MCCC1: variants seen among roughly 807,000 people sequenced by gnomAD.
MCCC1 encodes the protein methylcrotonoyl-CoA carboxylase subunit alpha, mitochondrial.
MCCC1 carries 64 observed loss-of-function variants against 83.8 expected under a neutral mutation model. The ratio of observed to expected loss-of-function variants is 0.76; its 90% CI spans 0.62 to 0.94. MCCC1 has a LOEUF of 0.94. MCCC1 is among the 40% of genes least tolerant of loss of function. MCCC1 has a pLI of 0.00. For missense variants in MCCC1, 807 were observed against 904.7 expected (o/e 0.89, Z 1.39); for synonymous variants, 322 against 315.4 (o/e 1.02, Z -0.22).
chr3:183,058,647 A>C lies in MCCC1; in HGVS notation c.762-1225T>G, dbSNP rs114542718. ...CCATCTCTAAGGAAAAAACAACAAC[A>C]ACCAACAAAGGTAATTACATGTTGA... On this transcript the variant is annotated intron_variant, in intron 7 of 18. Coordinates refer to ENST00000265594, the MANE Select transcript of MCCC1 (RefSeq NM_020166.5). Among the ~76,000 whole-genome samples the C allele has an allele frequency of 6.2e-3, 939 of 152,262 alleles. 11 individuals carry two copies. The highest frequency in any genetic ancestry group is 0.021 in the African/African-American group (886 of 41,536).
Position 183,045,510 on chromosome 3 carries a change from T to C in MCCC1, c.986A>G (p.His329Arg). The change falls in exon 10 of 19, where the codon CAT (histidine) becomes CGT (arginine). Residue 329 changes from histidine (H) to arginine (R), a missense_variant. Physicochemically the swap from His to Arg is conservative, Grantham distance 29. Coordinates refer to ENST00000265594, the MANE Select transcript of MCCC1 (RefSeq NM_020166.5). ...GTVEFIMDSKHNFCFMEMNTR... is the reference protein window; with the variant it reads ...GTVEFIMDSKRNFCFMEMNTR... Reference sequence around the variant, plus strand: ...ATTCATCTCCATGAAACAGAAATTATGTTTTGAGTCCATAATAAACTCCAC... The same window carrying C: ...ATTCATCTCCATGAAACAGAAATTACGTTTTGAGTCCATAATAAACTCCAC... The C allele has an allele frequency of 4.3e-6, 7 of 1,614,166 alleles. No individual in the cohort carries two copies. Among genetic ancestry groups the C allele is most frequent in the Non-Finnish European group, 5.9e-6 (7 of 1,179,992 alleles).
At chr3:183,063,915 T>C (rs912267917) in intron 7 of MCCC1, among the ~76,000 whole-genome samples, 9 of 152,102 alleles carry the variant, frequency 5.9e-5, no homozygotes, top group Non-Finnish European at 1.3e-4. Context: ...AAGGATAGGA[T>C]TGGGTTACAG....
chr3:183,058,566 G>A (rs1177722242), intron 7 of MCCC1, among the ~76,000 whole-genome samples: 1 of 152,138 alleles, frequency 6.6e-6, no homozygotes, highest in East Asian at 1.9e-4. Flanking sequence ...AGGTGGCAGT[G>A]AGCAGTGAGC....
chr3:183,047,214 A>T (rs1221404027), intron 9 of MCCC1, among the ~76,000 whole-genome samples: 2 of 152,020 alleles, frequency 1.3e-5, no homozygotes, highest in Non-Finnish European at 2.9e-5. Flanking sequence ...GAAATACCCA[A>T]CTCCAGCCTT....
chr3:183,060,400 G>T (rs1715731194), intron 7 of MCCC1, among the ~76,000 whole-genome samples: 4 of 152,206 alleles, frequency 2.6e-5, no homozygotes, highest in African/African-American at 7.2e-5. Context: ...CTTAAGAACA[G>T]AGGGGTAGAT....
rs773740752 is a variant in MCCC1 at position 183,017,270 on chromosome 3, A to G, written c.2045T>C (p.Met682Thr). The G allele has an allele frequency of 8.2e-5, 132 of 1,613,520 alleles. No homozygotes were observed. The highest frequency in any genetic ancestry group is 1.1e-4 in the Non-Finnish European group (125 of 1,179,898). ...ATGAACTCATGATTTCCTTACCTCC[A>G]TCTTCATGGCGATCATAACCATGAG... ...DSLMVMIAMK[M>T]EHTIKSPKDG... The change falls in exon 18 of 19, where the codon ATG becomes ACG. Residue 682 changes from methionine to threonine, a missense_variant. Physicochemically the swap from Met to Thr is moderately conservative, Grantham distance 81. Coordinates refer to ENST00000265594, the MANE Select transcript of MCCC1 (RefSeq NM_020166.5).
In MCCC1 at chr3:183,052,279, T is replaced by C. The variant is rs139351834; in HGVS notation, c.874-39A>G. 25 of 1,566,176 alleles carry C rather than the reference T, an allele frequency of 1.6e-5. No individual in the cohort carries two copies. In the African/African-American group the frequency reaches 2.7e-4, roughly 17 times the overall value. On this transcript the variant is annotated intron_variant, in intron 8 of 18. Transcript: ENST00000265594. ...ATGTAAATAAATCTCCATTAGTAGC[T>C]TGCCTTACTAGAAATTCCATTAAAA...
intron 5 of MCCC1, among the ~76,000 whole-genome samples, chr3:183,071,569 A>C (rs1056667857): frequency 2.0e-5 from 3 of 152,228 alleles, no homozygotes; most frequent in Non-Finnish European, 4.4e-5. Flanking sequence ...TTTTAATCCC[A>C]AAATACTAAT....
intron 7 of MCCC1, among the ~76,000 whole-genome samples, chr3:183,062,200 G>A (rs1233017504): frequency 2.6e-5 from 4 of 152,156 alleles, no homozygotes; most frequent in African/African-American, 9.7e-5. Context: ...CATGAGAACA[G>A]ACTAACACAT....
At chr3:183,018,219 G>A (rs112336702) in intron 17 of MCCC1, among the ~76,000 whole-genome samples, 15 of 151,372 alleles carry the variant, frequency 9.9e-5, no homozygotes, top group African/African-American at 3.7e-4. Context: ...CAAATGCACT[G>A]GTCAAATCAG....
At chr3:183,039,156 A>T in intron 11 of MCCC1, 21 bp from the exon 12 acceptor site, 1 of 1,606,158 alleles carries the variant, frequency 6.2e-7, no homozygotes, top group Non-Finnish European at 8.5e-7. Context: ...AAACCACGGT[A>T]ACCTCTTCAA....
In MCCC1 at chr3:183,099,460, T is replaced by G. The variant is rs890799240; in HGVS notation, c.-20A>C. On this transcript the variant is annotated 5_prime_UTR_variant, in exon 1 of 19. Transcript: ENST00000265594. ...CGCCATGTCCCTGGAGCCCGGCCACTCCGTGACTCCCCAGTACAGAGGCAG... is the reference window on the plus strand; with the variant it reads ...CGCCATGTCCCTGGAGCCCGGCCACGCCGTGACTCCCCAGTACAGAGGCAG... 5.0e-6 allele frequency: 8 copies of G among 1,594,640 alleles called. No homozygotes were observed. The highest frequency in any genetic ancestry group is 3.5e-5 in the Admixed American group (2 of 57,790).
intron 8 of MCCC1, among the ~76,000 whole-genome samples, chr3:183,053,236 C>T (rs914645669): frequency 3.3e-5 from 5 of 151,360 alleles, no homozygotes; most frequent in African/African-American, 9.7e-5. Flanking sequence ...TTTGGGAGGC[C>T]GAGACGGGTG....
At chr3:183,018,810 G>C (rs1310707653) in intron 17 of MCCC1, among the ~76,000 whole-genome samples, 26 of 152,210 alleles carry the variant, frequency 1.7e-4, no homozygotes. Context: ...TAGTAAGTGT[G>C]TTTGAAGTCT....
At chr3:183,103,429 A>C (rs926978116), upstream of MCCC1, among the ~76,000 whole-genome samples, 6 of 152,028 alleles carry the variant, frequency 3.9e-5, no homozygotes, top group Non-Finnish European at 8.8e-5. Flanking sequence ...GCTAGACACA[A>C]AGGTTCTCCA....
In MCCC1 at chr3:183,099,332, G is replaced by A. The variant is rs749164963; in HGVS notation, c.89+20C>T. On this transcript the variant is annotated intron_variant, in intron 1 of 18. Coordinates refer to ENST00000265594, the MANE Select transcript of MCCC1 (RefSeq NM_020166.5). Reference sequence around the variant, plus strand: ...CCTCGCTCCCGCCTCTGCCCACTGAGCCATGGCCCCTCCACCCACCTCGGC... The same window carrying A: ...CCTCGCTCCCGCCTCTGCCCACTGAACCATGGCCCCTCCACCCACCTCGGC... 8.9e-6 allele frequency: 14 copies of A among 1,581,836 alleles called. No homozygotes were observed. Among genetic ancestry groups the A allele is most frequent in the Admixed American group, 5.3e-5 (3 of 56,746 alleles).
intron 13 of MCCC1, among the ~76,000 whole-genome samples, chr3:183,034,777 C>CTTTTTTTTT (rs397963844): frequency 6.9e-6 from 1 of 143,894 alleles, no homozygotes; most frequent in Non-Finnish European, 1.5e-5. Context: ...CCTTATAGGC[C>CTTTTTTTTT]TTTTTTTTTT....
At chr3:183,077,212 A>G (rs1316050923) in intron 4 of MCCC1, among the ~76,000 whole-genome samples, 3 of 152,154 alleles carry the variant, frequency 2.0e-5, no homozygotes, top group African/African-American at 7.2e-5. Flanking sequence ...TCAGGTATAA[A>G]TTTCTGTGCG....
intron 17 of MCCC1, among the ~76,000 whole-genome samples, chr3:183,019,537 A>G (rs1355928994): frequency 6.6e-6 from 1 of 152,216 alleles, no homozygotes; most frequent in Non-Finnish European, 1.5e-5. Context: ...CTCACCAGAC[A>G]CTTAATCTGC....
Sources: allele counts gnomAD v4.1 joint callset (sites outside exome capture counted in the v4.1 genomes callset), GRCh38; gene constraint gnomAD v4.1.1; transcripts MANE v1.5; gene names NCBI Gene and HGNC (gene_info 2026-07-23, HGNC 2026-07-21).